TMCO2: variants seen among roughly 807,000 people sequenced by gnomAD.
TMCO2 encodes the protein transmembrane and coiled-coil domain-containing protein 2.
A neutral mutation model predicts 18.0 loss-of-function variants in TMCO2; 15 were observed. That is an observed-to-expected ratio of 0.84 (90% confidence interval 0.56 to 1.29). TMCO2 has a LOEUF of 1.29. Ranked by LOEUF, TMCO2 falls within the 50% of genes most tolerant of loss-of-function variation. The pLI is 0.00. For synonymous variants in TMCO2, 79 were observed against 75.9 expected, an observed-to-expected ratio of 1.04 and a Z score of -0.21; for missense variants, 182 against 200.9, an observed-to-expected ratio of 0.91 and a Z score of 0.57.
At position 40,251,538 on chromosome 1, in the gene TMCO2, A is replaced by C; in HGVS notation, c.493A>C (p.Ser165Arg). The change falls in exon 2 of 2, where the codon AGC (serine) becomes CGC (arginine). Residue 165 changes from serine to arginine, a missense_variant. Transcript: ENST00000372766. ...KRDCSSEPYC[S>R]CSDCQSPLST... is the part of the protein sequence containing the mutation. ...GGATTGCTCCTCTGAGCCCTACTGC[A>C]GCTGCTCTGACTGCCAGAGTCCCTT... 6.2e-7 allele frequency: 1 copy of C among 1,613,392 alleles called. No individual in the cohort carries two copies. The highest frequency in any genetic ancestry group is 8.5e-7 in the Non-Finnish European group (1 of 1,179,854).
chr1:40,247,950 T>G lies in TMCO2; in HGVS notation c.-44T>G. 6.7e-7 allele frequency: 1 copy of G among 1,497,544 alleles called. No homozygotes were observed. Among genetic ancestry groups the G allele is most frequent in the East Asian group, 2.3e-5 (1 of 44,346 alleles). 92.8% of individuals were successfully genotyped at this position (1,497,544 alleles called of 1,614,324 possible). On this transcript the variant is annotated 5_prime_UTR_variant, in exon 1 of 2. Coordinates refer to ENST00000372766, the MANE Select transcript of TMCO2 (RefSeq NM_001008740.4). ...TCCCCCTAACTCATATTTAGATTCC[T>G]GAAGCTTCTGCACATGTAGTTCCTA...
At chr1:40,249,647 C>A (rs753523749) in intron 1 of TMCO2, among the ~76,000 whole-genome samples, 2 of 150,838 alleles carry the variant, frequency 1.3e-5, no homozygotes, top group Non-Finnish European at 2.9e-5. Flanking sequence ...TAGCAAGAAT[C>A]TGTCCTACTA....
At chr1:40,249,380 A>G (rs138197093) in intron 1 of TMCO2, among the ~76,000 whole-genome samples, 40 of 151,986 alleles carry the variant, frequency 2.6e-4, no homozygotes, top group African/African-American at 9.4e-4. Flanking sequence ...CATATATTCA[A>G]TAAGTGGTGC....
chr1:40,250,340 T>G (rs906495555), intron 1 of TMCO2, among the ~76,000 whole-genome samples: 1 of 150,812 alleles, frequency 6.6e-6, no homozygotes, highest in African/African-American at 2.4e-5. Flanking sequence ...TATACATTAA[T>G]TTTTTTAAGA....
Position 40,248,207 on chromosome 1 carries a change from A to G in TMCO2, c.214A>G (p.Lys72Glu), listed in dbSNP as rs964534479. The change falls in exon 1 of 2, where the codon AAA becomes GAA. Residue 72 changes from lysine (K) to glutamate (E), a missense_variant. Lys to Glu is a moderately conservative substitution (Grantham distance 56). Transcript: ENST00000372766. Reference sequence around the variant, plus strand: ...GGGAATAGGAATATATGCCTTATGGAAACGAAGTATTCAGTCAATTCAGGT... The same window carrying G: ...GGGAATAGGAATATATGCCTTATGGGAACGAAGTATTCAGTCAATTCAGGT... Reference protein sequence around the residue: ...LLGIGIYALWKRSIQSIQKTL... With the variant: ...LLGIGIYALWERSIQSIQKTL... 6.2e-7 allele frequency: 1 copy of G among 1,613,382 alleles called. No homozygotes were observed. Among genetic ancestry groups the G allele is most frequent in the African/African-American group, 1.3e-5 (1 of 74,928 alleles).
At chr1:40,248,321 T>C (rs959257001) in intron 1 of TMCO2, 91 bp downstream of exon 1, 4 of 1,122,670 alleles carry the variant, frequency 3.6e-6, no homozygotes, top group African/African-American at 1.6e-5. Context: ...TTTAAGATCA[T>C]GCAGATGTGC....
Position 40,248,045 on chromosome 1 carries a change from C to T in TMCO2, c.52C>T (p.Leu18Phe), listed in dbSNP as rs764404915. Reference sequence around the variant, plus strand: ...GGACAACCTCTTAGAGTCTCTCTCTCTCAGCACAGTATGGAATTGGATACA... The same window carrying T: ...GGACAACCTCTTAGAGTCTCTCTCTTTCAGCACAGTATGGAATTGGATACA... ...SWDNLLESLS[L>F]STVWNWIQAS... Residue 18 changes from leucine (L) to phenylalanine (F), a missense_variant, in exon 1 of 2, where the codon CTC (leucine) becomes TTC (phenylalanine). Leu to Phe is a conservative substitution (Grantham distance 22, BLOSUM62 0). Coordinates refer to ENST00000372766, the MANE Select transcript of TMCO2 (RefSeq NM_001008740.4). 3 of 1,614,108 alleles carry T rather than the reference C, an allele frequency of 1.9e-6. No homozygotes were observed. The highest frequency in any genetic ancestry group is 1.3e-5 in the African/African-American group (1 of 74,928).
rs781540175 is a variant in TMCO2, at chr1:40,251,334, C to G, written c.289C>G (p.His97Asp). Reference sequence around the variant, plus strand: ...CTACAAACTTTACAAGAAGGGCTCACATATTTTTGAGGCTTTGCTAGCCAA... The same window carrying G: ...CTACAAACTTTACAAGAAGGGCTCAGATATTTTTGAGGCTTTGCTAGCCAA... ...TLYKLYKKGSHIFEALLANPE... is the reference protein window; with the variant it reads ...TLYKLYKKGSDIFEALLANPE... Residue 97 changes from histidine to aspartate, a missense_variant, in exon 2 of 2, where the codon CAT (histidine) becomes GAT (aspartate). Coordinates refer to ENST00000372766, the MANE Select transcript of TMCO2 (RefSeq NM_001008740.4). 4 of 1,613,518 alleles carry G rather than the reference C, an allele frequency of 2.5e-6. No homozygotes were observed. In the East Asian group the frequency reaches 8.9e-5, roughly 36 times the overall value.
At position 40,248,337 on chromosome 1, in the gene TMCO2, C is replaced by T. The variant is rs75158552; in HGVS notation, c.237+107C>T. The T allele has an allele frequency of 2.5e-3, 2,372 of 949,556 alleles. 33 individuals are homozygous for T. The African/African-American group carries it at 0.032, about 13-fold the overall frequency. The allele number at this position is 949,556 out of a possible 1,614,324, so 58.8% of individuals were successfully genotyped here. A position where few individuals can be genotyped will look rare whatever the true frequency, so the allele number is the denominator to read the frequency against. On this transcript the variant is annotated intron_variant, in intron 1 of 1. Transcript: ENST00000372766. ...TTAAGATCATGCAGATGTGCAAAGGCGAACCTTTGTCTCTTAAGTTGGCAA... is the reference window on the plus strand; with the variant it reads ...TTAAGATCATGCAGATGTGCAAAGGTGAACCTTTGTCTCTTAAGTTGGCAA...
In TMCO2 at chr1:40,251,282, G is replaced by GA. The variant is rs756297492; in HGVS notation, c.241dup (p.Thr81AsnfsTer20). 2 of 1,605,572 alleles carry GA rather than the reference G, an allele frequency of 1.2e-6. No homozygotes were observed. The highest frequency in any genetic ancestry group is 2.3e-5 in the South Asian group (2 of 88,484). ...ACTCAACTTCTGTTGTTCCATTTTA[G>GA]AAAACATTGTTGTTTGTAATCACAC... On this transcript the variant is annotated frameshift_variant and splice_region_variant. Coordinates refer to ENST00000372766, the MANE Select transcript of TMCO2 (RefSeq NM_001008740.4). LOFTEE classifies it high-confidence loss of function.
rs746758371 is a variant in TMCO2, at chr1:40,247,973, C to T, written c.-21C>T. The T allele has an allele frequency of 1.3e-6, 2 of 1,595,114 alleles. No individual in the cohort carries two copies. Among genetic ancestry groups the T allele is most frequent in the Non-Finnish European group, 1.7e-6 (2 of 1,162,924 alleles). On this transcript the variant is annotated 5_prime_UTR_variant, in exon 1 of 2. Coordinates refer to ENST00000372766, the MANE Select transcript of TMCO2 (RefSeq NM_001008740.4). ...CCTGAAGCTTCTGCACATGTAGTTC[C>T]TAGAGCTGCTGCTTATTAAAATGTC...
At position 40,251,396 on chromosome 1, in the gene TMCO2, T is replaced by C. The variant is rs778783777; in HGVS notation, c.351T>C (p.Asn117=). Residue 117 remains asparagine (N), a synonymous_variant, in exon 2 of 2, where the codon AAT becomes AAC. Coordinates refer to ENST00000372766, the MANE Select transcript of TMCO2 (RefSeq NM_001008740.4). The part of the protein sequence containing the change: ...EGSGLRIQDN[N]NLFLSLGLQE... ...GTGGTCTCCGAATTCAAGACAATAA[T>C]AATCTTTTCCTGTCCTTGGGTCTGC... 8.1e-6 allele frequency: 13 copies of C among 1,613,978 alleles called. No individual in the cohort carries two copies. In the Admixed American group the frequency reaches 2.2e-4, roughly 27 times the overall value.
chr1:40,251,136 CAAAAA>C (rs59384076), intron 1 of TMCO2, 142 bp from the exon 2 acceptor site: 36 of 419,696 alleles, frequency 8.6e-5, no homozygotes, highest in East Asian at 5.6e-4. Flanking sequence ...AACTCCATCT[CAAAAA>C]AAAAAAAAAA....
Position 40,248,037 on chromosome 1 carries a change from C to G in TMCO2, c.44C>G (p.Ser15Cys). 1 of 1,609,396 alleles carries G rather than the reference C, an allele frequency of 6.2e-7. No individual in the cohort carries two copies. Residue 15 changes from serine (S) to cysteine (C), a missense_variant, in exon 1 of 2, where the codon TCT becomes TGT. By Grantham distance (112) the Ser-to-Cys change is moderately radical. Coordinates refer to ENST00000372766, the MANE Select transcript of TMCO2 (RefSeq NM_001008740.4). ...TCTAGCTGGGACAACCTCTTAGAGT[C>G]TCTCTCTCTCAGCACAGTATGGAAT... ...SSSSWDNLLESLSLSTVWNWI... is the reference protein window; with the variant it reads ...SSSSWDNLLECLSLSTVWNWI...
rs188161415 is a variant in TMCO2, at chr1:40,249,304, C to T, written c.237+1074C>T. Among the ~76,000 whole-genome samples the T allele has an allele frequency of 2.0e-3, 226 of 112,228 alleles. 1 individual carries two copies. The highest frequency in any genetic ancestry group is 5.1e-3 in the Admixed American group (59 of 11,510). 73.6% of individuals were successfully genotyped at this position (112,228 alleles called of 152,430 possible). ...GTGTGTGTGTGTGTGTGTGTGTGTACGCGCATGCGCATATATATGTGTATT... is the reference window on the plus strand; with the variant it reads ...GTGTGTGTGTGTGTGTGTGTGTGTATGCGCATGCGCATATATATGTGTATT... On this transcript the variant is annotated intron_variant, in intron 1 of 1. Transcript: ENST00000372766.
At position 40,248,026 on chromosome 1, in the gene TMCO2, C is replaced by T. The variant is rs1303385260; in HGVS notation, c.33C>T (p.Asn11=). The T allele has an allele frequency of 6.2e-7, 1 of 1,614,192 alleles. No homozygotes were observed. Among genetic ancestry groups the T allele is most frequent in the Non-Finnish European group, 8.5e-7 (1 of 1,180,032 alleles). ...CATCTTCATCTTCTAGCTGGGACAA[C>T]CTCTTAGAGTCTCTCTCTCTCAGCA... MSTSSSSSWD[N]LLESLSLSTV... The change falls in exon 1 of 2, where the codon AAC becomes AAT. Residue 11 remains asparagine (N), a synonymous_variant. Coordinates refer to ENST00000372766, the MANE Select transcript of TMCO2 (RefSeq NM_001008740.4).
Position 40,248,223 on chromosome 1 carries a change from C to A in TMCO2, c.230C>A (p.Ser77Ter). ...IYALWKRSIQ[S>*]IQKTLLFVIT... The stretch of plus-strand genomic sequence containing the variant: ...GCCTTATGGAAACGAAGTATTCAGT[C>A]AATTCAGGTTATACTCTTTTGTTAC... The change falls in exon 1 of 2, where the codon TCA (serine) becomes TAA (stop). Residue 77 changes from serine to a stop codon, truncating the protein, a stop_gained. Transcript: ENST00000372766. LOFTEE classifies it high-confidence loss of function. The A allele has an allele frequency of 1.2e-6, 2 of 1,608,038 alleles. No homozygotes were observed. The highest frequency in any genetic ancestry group is 2.2e-5 in the South Asian group (2 of 90,812).
At position 40,251,649 on chromosome 1, in the gene TMCO2, G is replaced by C; in HGVS notation, c.*55G>C. On this transcript the variant is annotated 3_prime_UTR_variant, in exon 2 of 2. Coordinates refer to ENST00000372766, the MANE Select transcript of TMCO2 (RefSeq NM_001008740.4). ...AAGCACTGTTTCCCTCATGTGTGCA[G>C]TGGTGTATCAATAAAGATAGAGAAC... 6.5e-7 allele frequency: 1 copy of C among 1,541,358 alleles called. No homozygotes were observed. The highest frequency in any genetic ancestry group is 8.8e-7 in the Non-Finnish European group (1 of 1,137,716).
At chr1:40,248,337 C>G in intron 1 of TMCO2, 107 bp downstream of exon 1, 1 of 949,560 alleles carries the variant, frequency 1.1e-6, no homozygotes, top group East Asian at 2.5e-5. Flanking sequence ...TGTGCAAAGG[C>G]GAACCTTTGT....
Sources: allele counts gnomAD v4.1 joint callset (sites outside exome capture counted in the v4.1 genomes callset), GRCh38; gene constraint gnomAD v4.1.1; transcripts MANE v1.5; gene names NCBI Gene and HGNC (gene_info 2026-07-23, HGNC 2026-07-21).